Variants in PRKD1 observed in about 807,000 individuals in gnomAD.
PRKD1 encodes the protein protein kinase D1, also known as serine/threonine-protein kinase D1.
In PRKD1, 63 loss-of-function variants were observed where a neutral mutation model predicts 95.9. The observed-to-expected ratio is 0.66, with a 90% confidence interval of 0.54 to 0.81. The LOEUF (loss-of-function observed/expected upper bound fraction) is 0.81, where lower values mean the gene tolerates loss of function less well. Among genes scored for constraint, PRKD1 ranks in the 30% least tolerant of loss-of-function variants. The pLI is 0.00. For synonymous variants in PRKD1, 425 were observed against 423.1 expected (o/e 1.00, Z -0.05); for missense variants, 1,048 against 1,165.3 (o/e 0.90, Z 1.47).
intron 1 of PRKD1, among the ~76,000 whole-genome samples, chr14:29,782,644 C>A (rs1889099975): frequency 6.6e-6 from 1 of 152,130 alleles, no homozygotes; most frequent in African/African-American, 2.4e-5. Flanking sequence ...GTTCTTCCCG[C>A]CTCAACCTCC....
At chr14:29,648,026 C>T (rs2139166787) in intron 4 of PRKD1, among the ~76,000 whole-genome samples, 1 of 152,298 alleles carries the variant, frequency 6.6e-6, no homozygotes, top group East Asian at 1.9e-4. Context: ...TTTTGTGACC[C>T]TGCAGCTGCA....
chr14:29,586,258 G>C (rs1384663106), intron 16 of PRKD1, among the ~76,000 whole-genome samples: 3 of 152,184 alleles, frequency 2.0e-5, no homozygotes, highest in Admixed American at 1.3e-4. Context: ...TATCTGGAAT[G>C]CAGAGATAGA....
intron 1 of PRKD1, among the ~76,000 whole-genome samples, chr14:29,846,013 A>C (rs550914462): frequency 6.6e-6 from 1 of 152,284 alleles, no homozygotes; most frequent in African/African-American, 2.4e-5. Context: ...TCAAATAATA[A>C]AATTTAAAAA....
intron 13 of PRKD1, among the ~76,000 whole-genome samples, chr14:29,607,212 A>C (rs528793380): frequency 6.6e-6 from 1 of 152,320 alleles, no homozygotes; most frequent in Admixed American, 6.5e-5. Context: ...CAGAGAAGAA[A>C]ACTTCCTTTA....
At chr14:29,714,874 C>T (rs566203660) in intron 2 of PRKD1, among the ~76,000 whole-genome samples, 26 of 152,156 alleles carry the variant, frequency 1.7e-4, no homozygotes, top group African/African-American at 5.3e-4. Flanking sequence ...AATCAAACAC[C>T]GCATGTTCTC....
At chr14:29,636,185 G>A (rs2139128457) in intron 7 of PRKD1, 105 bp downstream of exon 7, 1 of 1,329,536 alleles carries the variant, frequency 7.5e-7, no homozygotes, top group South Asian at 1.2e-5. Flanking sequence ...AAGTAAACGT[G>A]CACTTCACAT....
At chr14:29,783,984 T>C (rs1889159800) in intron 1 of PRKD1, among the ~76,000 whole-genome samples, 1 of 152,188 alleles carries the variant, frequency 6.6e-6, no homozygotes, top group Non-Finnish European at 1.5e-5. Context: ...AGCTTTTTAG[T>C]TTGTCTACTT....
At chr14:29,801,163 A>T (rs1472632628) in intron 1 of PRKD1, among the ~76,000 whole-genome samples, 1 of 152,060 alleles carries the variant, frequency 6.6e-6, no homozygotes, top group Admixed American at 6.6e-5. Context: ...GCTAGCTAGA[A>T]ACTCAGGCAG....
chr14:29,877,137 G>C (rs1346221265), intron 1 of PRKD1, among the ~76,000 whole-genome samples: 1 of 152,102 alleles, frequency 6.6e-6, no homozygotes, highest in African/African-American at 2.4e-5. Flanking sequence ...GGGCCAGAGA[G>C]CAAGACGCAG....
intron 1 of PRKD1, among the ~76,000 whole-genome samples, chr14:29,900,705 A>G (rs1894290664): frequency 6.6e-6 from 1 of 152,212 alleles, no homozygotes; most frequent in South Asian, 2.1e-4. Context: ...AACAAGACAT[A>G]CAAGCAACAA....
At chr14:29,746,525 C>CAT (rs560423661) in intron 1 of PRKD1, among the ~76,000 whole-genome samples, 10 of 146,128 alleles carry the variant, frequency 6.8e-5, no homozygotes, top group South Asian at 2.1e-4. Context: ...TGTGTGTGTA[C>CAT]ATATATACAC....
At chr14:29,848,051 C>T (rs922230115) in intron 1 of PRKD1, among the ~76,000 whole-genome samples, 8 of 152,086 alleles carry the variant, frequency 5.3e-5, no homozygotes, top group Admixed American at 4.6e-4. Flanking sequence ...CTTGGATGGT[C>T]AATGAGGGTT....
At position 29,744,825 on chromosome 14, in the gene PRKD1, G is replaced by A. The variant is rs1566575842; in HGVS notation, c.265-19151C>T. On this transcript the variant is annotated intron_variant, in intron 1 of 17. Transcript: ENST00000331968. ...GCCTCCCAAAGCGCTGGAATTACAGGCATAGCCACTGTGCCTGGCATGGAG... is the reference window on the plus strand; with the variant it reads ...GCCTCCCAAAGCGCTGGAATTACAGACATAGCCACTGTGCCTGGCATGGAG... Among the ~76,000 whole-genome samples, 7 of 152,110 alleles carry A rather than the reference G, an allele frequency of 4.6e-5. No homozygotes were observed. In the South Asian group the frequency reaches 1.4e-3, roughly 32 times the overall value.
intron 1 of PRKD1, among the ~76,000 whole-genome samples, chr14:29,870,048 T>C (rs867856088): frequency 6.6e-6 from 1 of 152,184 alleles, no homozygotes; most frequent in Non-Finnish European, 1.5e-5. Context: ...TTTTCACTTA[T>C]TATTATTACC....
chr14:29,835,269 T>C (rs566920489), intron 1 of PRKD1, among the ~76,000 whole-genome samples: 9 of 152,190 alleles, frequency 5.9e-5, no homozygotes, highest in Non-Finnish European at 1.2e-4. Context: ...TGGACACAAA[T>C]AATAATTTGC....
intron 1 of PRKD1, among the ~76,000 whole-genome samples, chr14:29,812,523 T>TTC (rs890934693): frequency 9.2e-5 from 14 of 152,294 alleles, no homozygotes; most frequent in Non-Finnish European, 1.9e-4. Context: ...AGGAAAGAGC[T>TTC]TCTGCATGTC....
chr14:29,803,959 C>G (rs780611666), intron 1 of PRKD1, among the ~76,000 whole-genome samples: 40 of 151,868 alleles, frequency 2.6e-4, no homozygotes, highest in Non-Finnish European at 7.4e-5. Context: ...CAAATGTATG[C>G]GGCCGGGTGC....
intron 2 of PRKD1, among the ~76,000 whole-genome samples, chr14:29,708,128 G>A (rs577886735): frequency 6.6e-6 from 1 of 151,958 alleles, no homozygotes; most frequent in African/African-American, 2.4e-5. Context: ...ACATAATGAT[G>A]TCCCCATCAA....
chr14:29,637,493 T>C (rs1239770557), intron 6 of PRKD1, among the ~76,000 whole-genome samples: 1 of 152,020 alleles, frequency 6.6e-6, no homozygotes, highest in Non-Finnish European at 1.5e-5. Flanking sequence ...TATAAGAAAA[T>C]AGAATTTCAA....
Sources: gnomAD v4.1 joint callset for allele counts (sites outside exome capture counted in the v4.1 genomes callset) on GRCh38, gnomAD v4.1.1 for gene constraint, MANE v1.5 for transcripts, NCBI Gene and HGNC (gene_info 2026-07-23, HGNC 2026-07-21) for gene names.